Variants in ZIM3 observed in about 807,000 individuals in gnomAD.
ZIM3 encodes the protein zinc finger protein 657.
ZIM3 carries 11 observed loss-of-function variants against 12.9 expected under a neutral mutation model. The observed-to-expected ratio is 0.85, with a 90% CI of 0.54 to 1.41. ZIM3 has a LOEUF of 1.41. ZIM3 is among the 40% of genes most tolerant of loss of function. The pLI is 0.00. For missense variants in ZIM3, 604 were observed against 557.2 expected, an observed-to-expected ratio of 1.08 and a Z score of -0.85; for synonymous variants, 205 against 198.5, an observed-to-expected ratio of 1.03 and a Z score of -0.28.
At position 57,136,859 on chromosome 19, in the gene ZIM3, T is replaced by A. The variant is rs2086889329; in HGVS notation, c.241+14A>T. On this transcript the variant is annotated intron_variant, in intron 4 of 4. Transcript: ENST00000269834. ...CATGCACCATTGACCCACAGTGCTC[T>A]CCTGGTCACCTACCTGCACGGCCAC... The A allele has an allele frequency of 6.2e-7, 1 of 1,613,170 alleles. No homozygotes were observed. The highest frequency in any genetic ancestry group is 2.2e-5 in the East Asian group (1 of 44,856).
chr19:57,136,797 A>G (rs2086889086), intron 4 of ZIM3, 76 bp downstream of exon 4: 1 of 1,314,702 alleles, frequency 7.6e-7, no homozygotes, highest in Non-Finnish European at 1.1e-6. Context: ...GCTGGCTGCC[A>G]AACGACTTCC....
Position 57,134,735 on chromosome 19 carries a change from T to G in ZIM3, c.*183A>C. Reference sequence around the variant, plus strand: ...GTACACAAAAGGCATCTAATAAATATTTATACTTAATAAACATTTGCTGAG... The same window carrying G: ...GTACACAAAAGGCATCTAATAAATAGTTATACTTAATAAACATTTGCTGAG... On this transcript the variant is annotated 3_prime_UTR_variant, in exon 5 of 5. Coordinates refer to ENST00000269834, the MANE Select transcript of ZIM3 (RefSeq NM_052882.1). 1 of 606,124 alleles carries G rather than the reference T, an allele frequency of 1.6e-6. No homozygotes were observed. Among genetic ancestry groups the G allele is most frequent in the Non-Finnish European group, 2.8e-6 (1 of 351,886 alleles). 37.5% of individuals were successfully genotyped at this position (606,124 alleles called of 1,614,324 possible).
In ZIM3 at chr19:57,138,066, G is replaced by A. The variant is rs111919602; in HGVS notation, c.142+406C>T. Among the ~76,000 whole-genome samples the A allele has an allele frequency of 1.6e-3, 163 of 102,572 alleles. 14 individuals carry two copies. Among genetic ancestry groups the A allele is most frequent in the African/African-American group, 5.1e-3 (123 of 24,324 alleles). 67.3% of individuals were successfully genotyped at this position (102,572 alleles called of 152,430 possible). ...AGGAAGGAAGGAAAGAAGGAAGGAA[G>A]GAAGGAAGGAAAGAAGGGAGGTAGG... On this transcript the variant is annotated intron_variant, in intron 3 of 4. Coordinates refer to ENST00000269834, the MANE Select transcript of ZIM3 (RefSeq NM_052882.1).
chr19:57,137,711 CAA>C (rs544060917), intron 3 of ZIM3, among the ~76,000 whole-genome samples: 1 of 131,314 alleles, frequency 7.6e-6, no homozygotes, highest in African/African-American at 3.0e-5. Context: ...AGACTGTCTC[CAA>C]AAAAAAAAAA....
intron 3 of ZIM3, among the ~76,000 whole-genome samples, chr19:57,138,054 A>G (rs10426995): frequency 0.36 from 16,249 of 44,718 alleles, 4,811 homozygotes; most frequent in South Asian, 0.52. Flanking sequence ...AAGGAAGGAA[A>G]GAAGGAAGGA....
intron 2 of ZIM3, among the ~76,000 whole-genome samples, chr19:57,140,254 G>A (rs924714994): frequency 8.5e-5 from 13 of 152,070 alleles, no homozygotes; most frequent in African/African-American, 2.7e-4. Flanking sequence ...TCGGCTCACT[G>A]CAACCTCCAC....
rs983659702 is a variant in ZIM3, at chr19:57,138,469, T to A, written c.142+3A>T. 4.3e-6 allele frequency: 7 copies of A among 1,614,144 alleles called. No homozygotes were observed. Among genetic ancestry groups the A allele is most frequent in the Non-Finnish European group, 5.9e-6 (7 of 1,180,014 alleles). On this transcript the variant is annotated splice_donor_region_variant and intron_variant, in intron 3 of 4. Transcript: ENST00000269834. ...GTCCCCCTGCCCGGGAAGCCGTCCT[T>A]ACCCACAGAGACAAGGTTGCTGTAA...
Position 57,134,606 on chromosome 19 carries a change from T to G in ZIM3, c.*312A>C, listed in dbSNP as rs111800541. 129 of 247,756 alleles carry G rather than the reference T, an allele frequency of 5.2e-4. 1 individual carries two copies. The highest frequency in any genetic ancestry group is 2.6e-3 in the African/African-American group (115 of 44,496). 15.3% of individuals were successfully genotyped at this position (247,756 alleles called of 1,614,324 possible). ...CAAAAGTATAGTCTTTTAAACGTTT[T>G]TAAAGATATGGATACCACTGGTCAT... On this transcript the variant is annotated 3_prime_UTR_variant, in exon 5 of 5. Transcript: ENST00000269834.
chr19:57,138,516 T>C lies in ZIM3; in HGVS notation c.98A>G (p.Tyr33Cys). The stretch of plus-strand genomic sequence containing the variant: ...GTAATTCTCCAGCATCACATCCCTG[T>C]ACAAGTTTCTCTGTTCGGGATTCAG... ...QRLNPEQRNL[Y>C]RDVMLENYSN... Residue 33 changes from tyrosine to cysteine, a missense_variant, in exon 3 of 5, where the codon TAC (tyrosine) becomes TGC (cysteine). By Grantham distance (194) the Tyr-to-Cys change is radical. Transcript: ENST00000269834. 2.5e-6 allele frequency: 4 copies of C among 1,614,150 alleles called. No individual in the cohort carries two copies. The highest frequency in any genetic ancestry group is 3.4e-6 in the Non-Finnish European group (4 of 1,180,008).
intron 1 of ZIM3, 63 bp from the exon 2 acceptor site, chr19:57,142,748 C>T: frequency 7.4e-7 from 1 of 1,345,250 alleles, no homozygotes; most frequent in Non-Finnish European, 1.1e-6. Flanking sequence ...GGGGATCATC[C>T]AGCATAGAAT....
At chr19:57,141,728 C>G (rs2086914816) in intron 2 of ZIM3, among the ~76,000 whole-genome samples, 2 of 151,782 alleles carry the variant, frequency 1.3e-5, no homozygotes, top group Admixed American at 1.3e-4. Context: ...GGTGCGCACA[C>G]CTGTAATCCC....
chr19:57,137,610 G>A (rs1410246441), intron 3 of ZIM3, among the ~76,000 whole-genome samples: 1 of 151,858 alleles, frequency 6.6e-6, no homozygotes, highest in African/African-American at 2.4e-5. Flanking sequence ...CTACTCGGGA[G>A]GCTAAGGCAG....
intron 2 of ZIM3, among the ~76,000 whole-genome samples, chr19:57,142,151 T>G: frequency 6.7e-6 from 1 of 150,160 alleles, no homozygotes; most frequent in Non-Finnish European, 1.5e-5. Context: ...GCTTTTTTTT[T>G]TTTTTTTTTT....
intron 3 of ZIM3, among the ~76,000 whole-genome samples, chr19:57,137,255 T>A (rs1209057464): frequency 4.0e-5 from 6 of 151,860 alleles, no homozygotes; most frequent in Non-Finnish European, 8.8e-5. Context: ...GAGGCCGAGA[T>A]AGGAGAATTG....
intron 4 of ZIM3, among the ~76,000 whole-genome samples, 180 bp downstream of exon 4, chr19:57,136,693 T>C (rs2122662190): frequency 6.6e-6 from 1 of 151,048 alleles, no homozygotes; most frequent in South Asian, 2.1e-4. Flanking sequence ...AAAAAGAGTT[T>C]GCCTGCAAAG....
At chr19:57,141,973 C>T (rs2086915766) in intron 2 of ZIM3, among the ~76,000 whole-genome samples, 1 of 151,982 alleles carries the variant, frequency 6.6e-6, no homozygotes, top group Admixed American at 6.6e-5. Flanking sequence ...TGTATAAACC[C>T]CTAGTTTTAG....
chr19:57,137,018 T>G, intron 3 of ZIM3, 47 bp from the exon 4 acceptor site: 1 of 1,591,166 alleles, frequency 6.3e-7, no homozygotes, highest in Non-Finnish European at 8.6e-7. Flanking sequence ...GATGTGTGAG[T>G]TGTTTGTGCA....
At position 57,136,987 on chromosome 19, in the gene ZIM3, C is replaced by G; in HGVS notation, c.143-16G>C. 2 of 1,613,322 alleles carry G rather than the reference C, an allele frequency of 1.2e-6. No individual in the cohort carries two copies. The highest frequency in any genetic ancestry group is 1.7e-6 in the Non-Finnish European group (2 of 1,179,264). ...TCCCCTTGTCCTGTGATGGAAGATA[C>G]CGCAAGGCTTGGTGTTTGTGGATGT... On this transcript the variant is annotated splice_polypyrimidine_tract_variant and intron_variant, in intron 3 of 4. Coordinates refer to ENST00000269834, the MANE Select transcript of ZIM3 (RefSeq NM_052882.1).
intron 1 of ZIM3, among the ~76,000 whole-genome samples, chr19:57,143,345 A>AAG (rs1555756674): frequency 1.4e-4 from 18 of 124,730 alleles, no homozygotes; most frequent in East Asian, 1.1e-3. Flanking sequence ...AAAAAAAAAA[A>AAG]GAGAGAGAGA....
Sources: allele counts gnomAD v4.1 joint callset (sites outside exome capture counted in the v4.1 genomes callset), GRCh38; gene constraint gnomAD v4.1.1; transcripts MANE v1.5; gene names NCBI Gene and HGNC (gene_info 2026-07-23, HGNC 2026-07-21).